NXPE2: variants seen among roughly 807,000 people sequenced by gnomAD.
NXPE2 encodes the protein NXPE family member 2.
Under a neutral mutation model 34.4 loss-of-function variants are expected in NXPE2, and 34 were observed. The observed-to-expected ratio is 0.99, with a 90% CI of 0.75 to 1.31. The LOEUF is 1.31. NXPE2 is among the 40% of genes most tolerant of loss of function. The pLI, the probability that NXPE2 is intolerant of heterozygous loss-of-function variation, is 0.00. For missense variants in NXPE2, 649 were observed against 672.5 expected (o/e 0.97, Z 0.39); for synonymous variants, 235 against 231.3 (o/e 1.02, Z -0.15).
At chr11:114,552,158 T>A in the NXPE2 span, 1 of 152,192 alleles carries the variant, frequency 6.6e-6, no homozygotes, top group African/African-American at 2.4e-5. Flanking sequence ...AAGTCCAAGA[T>A]GAAATTATTT....
At chr11:114,660,384 T>C in the NXPE2 span, among the ~76,000 whole-genome samples, 1 of 152,016 alleles carries the variant, frequency 6.6e-6, no homozygotes, top group South Asian at 2.1e-4. Context: ...AAATTAAATT[T>C]AGCAATTTAT....
At chr11:114,555,204 A>T in the NXPE2 span, among the ~76,000 whole-genome samples, 6 of 152,078 alleles carry the variant, frequency 3.9e-5, no homozygotes, top group Non-Finnish European at 5.9e-5. Flanking sequence ...TTACTGAGGT[A>T]TAATTTACAT....
the NXPE2 span, chr11:114,518,516 G>C: frequency 6.6e-6 from 1 of 152,192 alleles, no homozygotes. Flanking sequence ...TTGTGAATGG[G>C]GTTCTTGTCT....
the NXPE2 span, among the ~76,000 whole-genome samples, chr11:114,656,668 C>T: frequency 6.6e-6 from 1 of 151,492 alleles, no homozygotes; most frequent in Non-Finnish European, 1.5e-5. Flanking sequence ...GCAAAAATCA[C>T]AAGCACTCCT....
At chr11:114,604,148 T>C in the NXPE2 span, among the ~76,000 whole-genome samples, 1 of 152,048 alleles carries the variant, frequency 6.6e-6, no homozygotes, top group African/African-American at 2.4e-5. Context: ...TGATACCTGC[T>C]GGAAAATAAG....
At chr11:114,530,730 T>G in the NXPE2 span, 1 of 1,614,204 alleles carries the variant, frequency 6.2e-7, no homozygotes, top group African/African-American at 1.3e-5. Context: ...GGTGGTGGTG[T>G]TCACATGGGT....
At chr11:114,660,582 A>G in the NXPE2 span, among the ~76,000 whole-genome samples, 2 of 152,030 alleles carry the variant, frequency 1.3e-5, no homozygotes, top group Non-Finnish European at 2.9e-5. Flanking sequence ...ATGAAAAGTT[A>G]TGGTAAACTA....
intron 3 of NXPE2, 99 bp downstream of exon 3, chr11:114,698,877 A>C (rs1951314633): frequency 8.7e-7 from 1 of 1,153,802 alleles, no homozygotes; most frequent in Admixed American, 2.9e-5. Context: ...CATGTCAATT[A>C]TGTTGACTAA....
At chr11:114,529,067 T>C in the NXPE2 span, 1 of 376,936 alleles carries the variant, frequency 2.7e-6, no homozygotes, top group African/African-American at 2.1e-5. Flanking sequence ...GTTTGGTGCC[T>C]ACTCTTAGCA....
At chr11:114,649,074 A>T in the NXPE2 span, among the ~76,000 whole-genome samples, 1 of 152,046 alleles carries the variant, frequency 6.6e-6, no homozygotes, top group Non-Finnish European at 1.5e-5. Flanking sequence ...ACTGATATTT[A>T]TCCTCCACTA....
chr11:114,683,969 G>C (rs1196398274), intron 2 of NXPE2, among the ~76,000 whole-genome samples: 1 of 152,080 alleles, frequency 6.6e-6, no homozygotes, highest in Non-Finnish European at 1.5e-5. Context: ...CAACTGCATG[G>C]CTGTTGATCT....
At chr11:114,738,728 C>CGT in the NXPE2 span, among the ~76,000 whole-genome samples, 1 of 152,162 alleles carries the variant, frequency 6.6e-6, no homozygotes, top group Non-Finnish European at 1.5e-5. Context: ...ACTGTGCATA[C>CGT]CACCTGATGT....
At chr11:114,495,280 G>T in the NXPE2 span, among the ~76,000 whole-genome samples, 1 of 152,134 alleles carries the variant, frequency 6.6e-6, no homozygotes, top group Admixed American at 6.5e-5. Context: ...AATCCAGCCA[G>T]GCTTACGTCC....
At chr11:114,545,792 G>A in the NXPE2 span, among the ~76,000 whole-genome samples, 457 of 151,544 alleles carry the variant, frequency 3.0e-3, 3 homozygotes, top group African/African-American at 0.011. Context: ...AGGTTCAAGC[G>A]ATTCTCCTAC....
At chr11:114,534,800 T>C in the NXPE2 span, among the ~76,000 whole-genome samples, 2 of 152,114 alleles carry the variant, frequency 1.3e-5, no homozygotes, top group Non-Finnish European at 2.9e-5. Flanking sequence ...CAAATCTACG[T>C]CTAATTGGTG....
the NXPE2 span, chr11:114,528,002 A>G: frequency 4.0e-6 from 3 of 745,328 alleles, no homozygotes; most frequent in Non-Finnish European, 6.6e-6. Flanking sequence ...AGTTTTCTAT[A>G]ACTGGAAGCT....
chr11:114,552,501 C>T, the NXPE2 span, among the ~76,000 whole-genome samples: 1 of 151,802 alleles, frequency 6.6e-6, no homozygotes, highest in Non-Finnish European at 1.5e-5. Context: ...AACAGAATCC[C>T]GATTTTTAGA....
the NXPE2 span, among the ~76,000 whole-genome samples, chr11:114,567,456 A>G: frequency 5.3e-5 from 8 of 151,874 alleles, no homozygotes; most frequent in African/African-American, 1.9e-4. Context: ...TGAACTATAC[A>G]TTTCCCAATA....
At chr11:114,530,920 A>G in the NXPE2 span, 1 of 1,592,692 alleles carries the variant, frequency 6.3e-7, no homozygotes, top group Non-Finnish European at 8.5e-7. Context: ...TGAAATGACA[A>G]GGATTGTGAT....
Sources: gnomAD v4.1 joint callset for allele counts (sites outside exome capture counted in the v4.1 genomes callset) on GRCh38, gnomAD v4.1.1 for gene constraint, MANE v1.5 for transcripts, NCBI Gene and HGNC (gene_info 2026-07-23, HGNC 2026-07-21) for gene names.